The following ITGAV variants were observed in gnomAD, a reference collection of about 807,000 sequenced individuals.
ITGAV encodes integrin subunit alpha V, also known as integrin alpha-V.
ITGAV carries 76 observed loss-of-function variants against 143.8 expected under a neutral mutation model. The observed-to-expected ratio is 0.53, with a 90% CI of 0.44 to 0.64. The LOEUF (loss-of-function observed/expected upper bound fraction) is 0.64, where lower values mean the gene tolerates loss of function less well. Ranked by LOEUF, ITGAV falls within the 30% of genes least tolerant of loss-of-function variation. The probability of loss-of-function intolerance (pLI) is 0.00; values close to 1 mark genes in which losing one functional copy is unlikely to be tolerated. For synonymous variants in ITGAV, 453 were observed against 446.7 expected (o/e 1.01, Z -0.18); for missense variants, 1,193 against 1,274.7 (o/e 0.94, Z 0.98).
rs200175611 is a variant in ITGAV, at chr2:186,637,023, C to T, written c.758-42C>T. The T allele has an allele frequency of 4.0e-5, 62 of 1,556,466 alleles. No individual in the cohort carries two copies. In the African/African-American group the frequency reaches 6.4e-4, roughly 16 times the overall value. The stretch of plus-strand genomic sequence containing the variant: ...TACTCAGCAAGCCTGCTGAAGATAA[C>T]GTCCTTGTCCTGATGGTTCTCCCCT... On this transcript the variant is annotated intron_variant, in intron 7 of 29. Transcript: ENST00000261023.
intron 26 of ITGAV, among the ~76,000 whole-genome samples, chr2:186,673,234 A>G (rs150593566): frequency 4.2e-4 from 64 of 152,358 alleles, no homozygotes; most frequent in African/African-American, 1.5e-3. Context: ...TTATAAATAT[A>G]TGGATTTATT....
At chr2:186,598,246 C>A (rs1189399760) in intron 1 of ITGAV, among the ~76,000 whole-genome samples, 5 of 148,758 alleles carry the variant, frequency 3.4e-5, no homozygotes, top group Admixed American at 1.3e-4. Flanking sequence ...AATTTTAGAC[C>A]CGTAGAAAAA....
intron 18 of ITGAV, among the ~76,000 whole-genome samples, chr2:186,662,476 T>C (rs1688775340): frequency 6.6e-6 from 1 of 152,222 alleles, no homozygotes; most frequent in African/African-American, 2.4e-5. Flanking sequence ...GAACTGATTT[T>C]TAAATTTTAT....
chr2:186,667,005 A>G, intron 22 of ITGAV, 145 bp from the exon 23 acceptor site: 2 of 548,672 alleles, frequency 3.6e-6, no homozygotes, highest in Non-Finnish European at 6.1e-6. Context: ...TCTTCTTGGA[A>G]TTAAGTGTTA....
At chr2:186,633,576 A>G (rs1433142251) in intron 6 of ITGAV, among the ~76,000 whole-genome samples, 5 of 150,702 alleles carry the variant, frequency 3.3e-5, no homozygotes. Context: ...TCCTAGAAGA[A>G]AATAAACTGA....
At chr2:186,602,258 C>G (rs1008548978) in intron 2 of ITGAV, 107 bp downstream of exon 2, 10 of 749,776 alleles carry the variant, frequency 1.3e-5, no homozygotes, top group African/African-American at 9.0e-5. Flanking sequence ...AGATAAGCAC[C>G]TCAGCTTCAC....
chr2:186,645,592 G>A (rs968768118), intron 12 of ITGAV, among the ~76,000 whole-genome samples: 1 of 152,182 alleles, frequency 6.6e-6, no homozygotes, highest in Non-Finnish European at 1.5e-5. Flanking sequence ...TTAAGATGGG[G>A]ATGGGTGTGA....
intron 7 of ITGAV, among the ~76,000 whole-genome samples, chr2:186,636,712 A>G (rs1326652248): frequency 6.6e-6 from 1 of 152,134 alleles, no homozygotes; most frequent in Non-Finnish European, 1.5e-5. Context: ...CTCTCTTTCA[A>G]TTTCTTTATG....
At chr2:186,607,677 G>T (rs1687106869) in intron 2 of ITGAV, among the ~76,000 whole-genome samples, 1 of 152,056 alleles carries the variant, frequency 6.6e-6, no homozygotes, top group Non-Finnish European at 1.5e-5. Flanking sequence ...ACACATATAG[G>T]GATATTAAAA....
At chr2:186,613,359 C>T (rs932533477) in intron 2 of ITGAV, among the ~76,000 whole-genome samples, 20 of 152,118 alleles carry the variant, frequency 1.3e-4, no homozygotes, top group Admixed American at 5.2e-4. Context: ...ATTCTTTATT[C>T]GCTGTGGTAG....
intron 12 of ITGAV, among the ~76,000 whole-genome samples, chr2:186,645,918 G>A (rs907771547): frequency 5.9e-5 from 9 of 152,136 alleles, no homozygotes; most frequent in African/African-American, 2.2e-4. Flanking sequence ...CTTGCAGTGA[G>A]CCAAGATTGT....
intron 13 of ITGAV, among the ~76,000 whole-genome samples, chr2:186,648,851 T>A (rs578225533): frequency 4.6e-5 from 7 of 151,672 alleles, no homozygotes; most frequent in African/African-American, 1.7e-4. Context: ...AATAATCTAA[T>A]GTATAGTTAT....
chr2:186,677,099 C>G, intron 29 of ITGAV, 98 bp from the exon 30 acceptor site: 1 of 1,245,522 alleles, frequency 8.0e-7, no homozygotes, highest in East Asian at 2.5e-5. Flanking sequence ...TTATGAAATA[C>G]AATTTAAATG....
chr2:186,622,642 T>C (rs1314592539), intron 3 of ITGAV, among the ~76,000 whole-genome samples: 1 of 152,228 alleles, frequency 6.6e-6, no homozygotes, highest in African/African-American at 2.4e-5. Flanking sequence ...TTCACCCTTA[T>C]TCCTACTTTG....
At chr2:186,659,226 A>C in intron 18 of ITGAV, 51 bp downstream of exon 18, 1 of 1,276,208 alleles carries the variant, frequency 7.8e-7, no homozygotes, top group Non-Finnish European at 1.0e-6. Flanking sequence ...TTTTTTTTAC[A>C]ATTCATATTT....
At chr2:186,622,545 A>G in intron 3 of ITGAV, 115 bp downstream of exon 3, 1 of 690,990 alleles carries the variant, frequency 1.4e-6, no homozygotes. Context: ...GGCACAGGGT[A>G]TAACAACATA....
intron 10 of ITGAV, among the ~76,000 whole-genome samples, chr2:186,640,442 C>T (rs1398437739): frequency 6.6e-6 from 1 of 152,084 alleles, no homozygotes; most frequent in Non-Finnish European, 1.5e-5. Flanking sequence ...ATAGGGGAGC[C>T]AATTATTATC....
At position 186,590,195 on chromosome 2, in the gene ITGAV, C is replaced by G. The variant is rs915817070; in HGVS notation, c.-144C>G. 2 of 638,834 alleles carry G rather than the reference C, an allele frequency of 3.1e-6. No individual in the cohort carries two copies. The highest frequency in any genetic ancestry group is 3.9e-5 in the South Asian group (1 of 25,814). The allele number at this position is 638,834 out of a possible 1,614,324, so 39.6% of individuals were successfully genotyped here. A position where few individuals can be genotyped will look rare whatever the true frequency, so the allele number is the denominator to read the frequency against. ...CGAAGCTCAGCCCTCTTGCCTGCCC[C>G]GGAGCTGTCCCGGGCTAGCCGAGAA... is the stretch of plus-strand genomic sequence containing the variant. On this transcript the variant is annotated 5_prime_UTR_variant, in exon 1 of 30. Coordinates refer to ENST00000261023, the MANE Select transcript of ITGAV (RefSeq NM_002210.5).
intron 17 of ITGAV, among the ~76,000 whole-genome samples, chr2:186,656,670 TAAAAG>T (rs1002128659): frequency 2.6e-5 from 4 of 151,312 alleles, no homozygotes; most frequent in Admixed American, 1.3e-4. Flanking sequence ...TTCAAGACAG[TAAAAG>T]AAATCACCAG....
Sources: gnomAD v4.1 joint callset for allele counts (sites outside exome capture counted in the v4.1 genomes callset) on GRCh38, gnomAD v4.1.1 for gene constraint, MANE v1.5 for transcripts, NCBI Gene and HGNC (gene_info 2026-07-23, HGNC 2026-07-21) for gene names.